The following TMEFF2 variants were observed in gnomAD, a reference collection of about 807,000 sequenced individuals.
The protein encoded by TMEFF2 is tomoregulin-2.
TMEFF2 carries 28 observed loss-of-function variants against 53.8 expected under a neutral mutation model. The ratio of observed to expected loss-of-function variants is 0.52; its 90% CI spans 0.39 to 0.71. TMEFF2 has a LOEUF of 0.71. TMEFF2 is among the 30% of genes least tolerant of loss of function. The pLI is 0.00. For missense variants in TMEFF2, 353 were observed against 455.2 expected, an observed-to-expected ratio of 0.78 and a Z score of 2.04; for synonymous variants, 162 against 166.3, an observed-to-expected ratio of 0.97 and a Z score of 0.20.
intron 5 of TMEFF2, among the ~76,000 whole-genome samples, chr2:192,027,113 G>A (rs1686989249): frequency 6.6e-6 from 1 of 152,166 alleles, no homozygotes; most frequent in Non-Finnish European, 1.5e-5. Flanking sequence ...CATGTTTAGA[G>A]GGGGGACAGT....
intron 4 of TMEFF2, among the ~76,000 whole-genome samples, chr2:192,088,563 A>C (rs921912755): frequency 5.3e-5 from 8 of 152,268 alleles, no homozygotes; most frequent in African/African-American, 1.7e-4. Context: ...GCTGCTACAA[A>C]TGAAACGATA....
chr2:192,112,592 G>A (rs937801425), intron 4 of TMEFF2, among the ~76,000 whole-genome samples: 2 of 152,160 alleles, frequency 1.3e-5, no homozygotes, highest in Admixed American at 6.6e-5. Flanking sequence ...GCTGAAATGA[G>A]TTAAGACTTT....
chr2:192,108,878 G>T (rs978567494), intron 4 of TMEFF2, among the ~76,000 whole-genome samples: 4 of 151,996 alleles, frequency 2.6e-5, no homozygotes, highest in Admixed American at 1.3e-4. Context: ...AAAGAGCACT[G>T]AAGTGCTGAT....
At chr2:192,132,649 C>A (rs1689872834) in intron 4 of TMEFF2, among the ~76,000 whole-genome samples, 1 of 152,196 alleles carries the variant, frequency 6.6e-6, no homozygotes, top group Admixed American at 6.5e-5. Flanking sequence ...AACGCCTGAA[C>A]TGCAGCGGCC....
Position 192,184,466 on chromosome 2 carries a change from C to T in TMEFF2, c.300G>A (p.Val100=). The change falls in exon 3 of 10, where the codon GTG becomes GTA. Residue 100 remains valine, a synonymous_variant. Coordinates refer to ENST00000272771, the MANE Select transcript of TMEFF2 (RefSeq NM_016192.4). ...VCQFKCNNDY[V]PVCGSNGESY... is the part of the protein sequence containing the mutation. The stretch of plus-strand genomic sequence containing the variant: ...TCTCCCCATTGGAGCCACACACAGG[C>T]ACATAGTCATTGTTGCACTGGGAAA... The T allele has an allele frequency of 2.5e-6, 4 of 1,613,240 alleles. No individual in the cohort carries two copies. Among genetic ancestry groups the T allele is most frequent in the Non-Finnish European group, 2.5e-6 (3 of 1,179,446 alleles).
rs370882738 is a variant in TMEFF2, at chr2:192,059,758, T to C, written c.440-1983A>G. Among the ~76,000 whole-genome samples the C allele has an allele frequency of 1.7e-4, 26 of 152,294 alleles. No homozygotes were observed. The East Asian group carries it at 5.0e-3, about 29-fold the overall frequency. ...TTACATTTCTATAAAAGGGCAATTA[T>C]TGGTAAAATGGAGATGTTTGGAAAT... On this transcript the variant is annotated intron_variant, in intron 4 of 9. Transcript: ENST00000272771.
chr2:192,113,873 A>G (rs1300876957), intron 4 of TMEFF2, among the ~76,000 whole-genome samples: 1 of 152,104 alleles, frequency 6.6e-6, no homozygotes. Flanking sequence ...TCCCCATTGC[A>G]TTGATGGCAA....
At chr2:191,993,060 A>G (rs1373833083) in intron 7 of TMEFF2, among the ~76,000 whole-genome samples, 4 of 151,978 alleles carry the variant, frequency 2.6e-5, no homozygotes, top group African/African-American at 9.7e-5. Flanking sequence ...CTCATATCTC[A>G]CCTGTCAAAA....
intron 4 of TMEFF2, among the ~76,000 whole-genome samples, chr2:192,070,199 T>C: frequency 6.6e-6 from 1 of 151,528 alleles, no homozygotes. Context: ...TAAACTATGA[T>C]TTAGATTTGT....
intron 4 of TMEFF2, among the ~76,000 whole-genome samples, chr2:192,112,381 C>A (rs1280324462): frequency 2.0e-5 from 3 of 152,180 alleles, no homozygotes; most frequent in Non-Finnish European, 4.4e-5. Context: ...TACTGCCCCA[C>A]TGGATTTTGG....
chr2:192,074,480 T>C (rs1473403902), intron 4 of TMEFF2, among the ~76,000 whole-genome samples: 1 of 151,954 alleles, frequency 6.6e-6, no homozygotes, highest in African/African-American at 2.4e-5. Flanking sequence ...TTTTGGTTAA[T>C]ATTTGTCTAA....
intron 7 of TMEFF2, among the ~76,000 whole-genome samples, chr2:191,997,728 A>ATATC (rs34296820): frequency 6.6e-6 from 1 of 150,856 alleles, no homozygotes; most frequent in Admixed American, 6.6e-5. Flanking sequence ...ATAATTTTGC[A>ATATC]TGTCTGAGAA....
At chr2:192,039,405 A>G (rs1687418706) in intron 5 of TMEFF2, among the ~76,000 whole-genome samples, 1 of 152,188 alleles carries the variant, frequency 6.6e-6, no homozygotes, top group African/African-American at 2.4e-5. Context: ...ATTGCTTTGT[A>G]CATTTTTCTC....
intron 5 of TMEFF2, among the ~76,000 whole-genome samples, chr2:192,010,118 A>G (rs901924089): frequency 7.9e-5 from 12 of 152,308 alleles, no homozygotes; most frequent in African/African-American, 2.6e-4. Flanking sequence ...ACTTTCAAGC[A>G]GAGTTTATCA....
intron 6 of TMEFF2, among the ~76,000 whole-genome samples, 186 bp downstream of exon 6, chr2:191,998,874 C>T (rs1686287409): frequency 6.6e-6 from 1 of 151,834 alleles, no homozygotes; most frequent in Non-Finnish European, 1.5e-5. Flanking sequence ...CAGATCTGGA[C>T]GGTTGCTGAG....
chr2:191,950,612 T>C, intron 9 of TMEFF2: 1 of 723,160 alleles, frequency 1.4e-6, no homozygotes, highest in Non-Finnish European at 2.4e-6. Context: ...TGTTGGGAAT[T>C]GAACACAGGC....
At chr2:192,013,361 G>C (rs1472412673) in intron 5 of TMEFF2, among the ~76,000 whole-genome samples, 1 of 151,908 alleles carries the variant, frequency 6.6e-6, no homozygotes, top group Non-Finnish European at 1.5e-5. Flanking sequence ...TCAGATACTT[G>C]CATGGCTCAA....
intron 3 of TMEFF2, among the ~76,000 whole-genome samples, chr2:192,180,760 A>G (rs924787247): frequency 3.3e-5 from 5 of 151,712 alleles, no homozygotes; most frequent in African/African-American, 7.3e-5. Context: ...GTGTTTGAAA[A>G]TCCACAGAAG....
At chr2:192,131,362 G>A (rs1278551474) in intron 4 of TMEFF2, among the ~76,000 whole-genome samples, 3 of 151,378 alleles carry the variant, frequency 2.0e-5, no homozygotes, top group Admixed American at 6.6e-5. Flanking sequence ...TGGGGAAGGG[G>A]CAAGTACCCC....
Sources: gnomAD v4.1 joint callset for allele counts (sites outside exome capture counted in the v4.1 genomes callset) on GRCh38, gnomAD v4.1.1 for gene constraint, MANE v1.5 for transcripts, NCBI Gene and HGNC (gene_info 2026-07-23, HGNC 2026-07-21) for gene names.